Variants in XYLT1 observed in about 807,000 individuals in gnomAD.
XYLT1 encodes beta-D-xylosyltransferase 1.
A neutral mutation model predicts 91.3 loss-of-function variants in XYLT1; 36 were observed. That is an observed-to-expected ratio of 0.39 (90% confidence interval 0.30 to 0.52). The LOEUF (loss-of-function observed/expected upper bound fraction) is 0.52. XYLT1 is among the 20% of genes least tolerant of loss of function. XYLT1 has a pLI of 0.68. For synonymous variants in XYLT1, 588 were observed against 532.0 expected, an observed-to-expected ratio of 1.11 and a Z score of -1.45; for missense variants, 1,242 against 1,284.5, an observed-to-expected ratio of 0.97 and a Z score of 0.51.
intron 5 of XYLT1, among the ~76,000 whole-genome samples, chr16:17,178,058 C>T (rs757547872): frequency 6.9e-6 from 1 of 145,876 alleles, no homozygotes. Context: ...ATTTATCCTG[C>T]GTTTAGGCAG....
At chr16:17,443,748 G>A (rs111675154) in intron 1 of XYLT1, among the ~76,000 whole-genome samples, 98 of 152,318 alleles carry the variant, frequency 6.4e-4, no homozygotes, top group Middle Eastern at 3.4e-3. Context: ...TCTAGCAGGA[G>A]TGGGACATTA....
At chr16:17,296,060 T>C (rs1156424491) in intron 2 of XYLT1, among the ~76,000 whole-genome samples, 1 of 151,234 alleles carries the variant, frequency 6.6e-6, no homozygotes, top group African/African-American at 2.4e-5. Context: ...TTTTTCTCCC[T>C]GCGCCAAAAG....
At chr16:17,212,300 C>CT (rs973700100) in intron 3 of XYLT1, among the ~76,000 whole-genome samples, 19 of 151,994 alleles carry the variant, frequency 1.3e-4, no homozygotes, top group Admixed American at 3.9e-4. Flanking sequence ...ATCTGAACAT[C>CT]TTTTTTTTAG....
intron 5 of XYLT1, among the ~76,000 whole-genome samples, chr16:17,197,597 C>T (rs2141586417): frequency 6.6e-6 from 1 of 152,238 alleles, no homozygotes; most frequent in East Asian, 1.9e-4. Context: ...TCTGGGTGGG[C>T]ATAATCTAAT....
intron 1 of XYLT1, among the ~76,000 whole-genome samples, chr16:17,437,464 TA>T (rs1430687618): frequency 6.6e-6 from 1 of 152,140 alleles, no homozygotes; most frequent in African/African-American, 2.4e-5. Context: ...ACCAAATGTT[TA>T]TTGGAGCCAC....
intron 1 of XYLT1, among the ~76,000 whole-genome samples, chr16:17,441,606 C>A (rs943613296): frequency 2.0e-5 from 3 of 152,154 alleles, no homozygotes; most frequent in African/African-American, 7.2e-5. Flanking sequence ...ACTTTGGACT[C>A]TTGTTTTAAT....
At chr16:17,399,052 C>T (rs2035929834) in intron 1 of XYLT1, among the ~76,000 whole-genome samples, 1 of 151,900 alleles carries the variant, frequency 6.6e-6, no homozygotes, top group Non-Finnish European at 1.5e-5. Flanking sequence ...GTCATATTAG[C>T]TTAGGGACCC....
At chr16:17,458,649 T>C (rs779632311) in intron 1 of XYLT1, among the ~76,000 whole-genome samples, 5 of 152,172 alleles carry the variant, frequency 3.3e-5, no homozygotes, top group Non-Finnish European at 4.4e-5. Flanking sequence ...TAAGTTGACA[T>C]TGACCAAACC....
intron 5 of XYLT1, among the ~76,000 whole-genome samples, chr16:17,176,151 T>TC (rs1344902947): frequency 6.6e-6 from 1 of 152,254 alleles, no homozygotes; most frequent in African/African-American, 2.4e-5. Flanking sequence ...AGCACTCATT[T>TC]GCTCCTTCAT....
At chr16:17,146,646 T>C (rs945023317) in intron 6 of XYLT1, among the ~76,000 whole-genome samples, 2 of 152,178 alleles carry the variant, frequency 1.3e-5, no homozygotes, top group Non-Finnish European at 2.9e-5. Context: ...AACATCTCTC[T>C]AGGATGAATC....
At chr16:17,242,810 C>T (rs1233025318) in intron 3 of XYLT1, among the ~76,000 whole-genome samples, 1 of 152,206 alleles carries the variant, frequency 6.6e-6, no homozygotes, top group African/African-American at 2.4e-5. Flanking sequence ...CATCCTACTC[C>T]TGTCTCTAGG....
intron 5 of XYLT1, among the ~76,000 whole-genome samples, chr16:17,175,171 T>C (rs1334134125): frequency 1.3e-5 from 2 of 152,204 alleles, no homozygotes; most frequent in Middle Eastern, 3.2e-3. Context: ...AAACAACAGC[T>C]ACAATAATAA....
intron 1 of XYLT1, among the ~76,000 whole-genome samples, chr16:17,437,921 TCATA>T (rs1206622290): frequency 2.6e-5 from 4 of 152,118 alleles, no homozygotes; most frequent in African/African-American, 9.7e-5. Context: ...CTGGACGGGA[TCATA>T]CATACTTACC....
At chr16:17,275,950 A>C (rs1480620589) in intron 2 of XYLT1, among the ~76,000 whole-genome samples, 2 of 152,216 alleles carry the variant, frequency 1.3e-5, no homozygotes, top group Non-Finnish European at 2.9e-5. Context: ...ACGGAGCCAG[A>C]GACATAAATA....
intron 5 of XYLT1, among the ~76,000 whole-genome samples, chr16:17,162,364 C>T (rs1247197125): frequency 1.3e-5 from 2 of 150,722 alleles, no homozygotes; most frequent in Admixed American, 6.6e-5. Context: ...GAACACAGAT[C>T]GCTCCACTCC....
intron 2 of XYLT1, among the ~76,000 whole-genome samples, chr16:17,292,165 T>C (rs1181709142): frequency 6.6e-6 from 1 of 152,004 alleles, no homozygotes; most frequent in African/African-American, 2.4e-5. Context: ...TTCTAAATAT[T>C]ATATATATTA....
intron 1 of XYLT1, among the ~76,000 whole-genome samples, chr16:17,400,983 C>CAT (rs1169327833): frequency 9.5e-6 from 1 of 104,838 alleles, no homozygotes; most frequent in Non-Finnish European, 2.0e-5. Flanking sequence ...CTCTCTCTTT[C>CAT]ATACACACAC....
chr16:17,330,280 C>G lies in XYLT1; in HGVS notation c.402+27732G>C, dbSNP rs191237185. ...ACAGCTGATAAACTGGGTTGGGCTC[C>G]CCAAGGTCCTTGCAATTCTCTCTCT... On this transcript the variant is annotated intron_variant, in intron 2 of 11. Transcript: ENST00000261381. Among the ~76,000 whole-genome samples, 644 of 152,274 alleles carry G rather than the reference C, an allele frequency of 4.2e-3. 8 individuals carry two copies. Among genetic ancestry groups the G allele is most frequent in the African/African-American group, 0.014 (587 of 41,554 alleles).
intron 2 of XYLT1, among the ~76,000 whole-genome samples, chr16:17,340,448 A>G (rs2035050276): frequency 6.6e-6 from 1 of 152,228 alleles, no homozygotes; most frequent in African/African-American, 2.4e-5. Context: ...TGTTCAGATC[A>G]TTTCCTTACC....
Sources: gnomAD v4.1 joint callset for allele counts (sites outside exome capture counted in the v4.1 genomes callset) on GRCh38, gnomAD v4.1.1 for gene constraint, MANE v1.5 for transcripts, NCBI Gene and HGNC (gene_info 2026-07-23, HGNC 2026-07-21) for gene names.